The following SREBF1 variants were observed in gnomAD, a reference collection of about 807,000 sequenced individuals.
SREBF1 encodes the protein sterol regulatory element-binding protein 1.
A neutral mutation model predicts 100.1 loss-of-function variants in SREBF1; 45 were observed. The ratio of observed to expected loss-of-function variants is 0.45; its 90% CI spans 0.35 to 0.58. SREBF1 has a LOEUF of 0.58. SREBF1 is among the 20% of genes least tolerant of loss of function. The pLI is 0.00. For missense variants in SREBF1, 1,324 were observed against 1,539.4 expected (o/e 0.86, Z 2.34); for synonymous variants, 657 against 681.8 (o/e 0.96, Z 0.57).
chr17:17,818,267 G>A lies in SREBF1; in HGVS notation c.1176C>T (p.His392=). The stretch of plus-strand genomic sequence containing the variant: ...AATAAAGCCAGGACTCACTGCTTTT[G>A]TGGACAGCAGTGCGCAGACTTAGGT... ...QENLSLRTAV[H]KSKSLKDLVS... Residue 392 remains histidine (H), a synonymous_variant, in exon 6 of 19, where the codon CAC becomes CAT. Transcript: ENST00000261646. The A allele has an allele frequency of 6.2e-7, 1 of 1,613,412 alleles. No homozygotes were observed. Among genetic ancestry groups the A allele is most frequent in the Non-Finnish European group, 8.5e-7 (1 of 1,179,490 alleles).
In SREBF1 at chr17:17,812,462, T is replaced by C. The variant is rs1006987566; in HGVS notation, c.*160A>G. 5.3e-6 allele frequency: 4 copies of C among 756,210 alleles called. No homozygotes were observed. Among genetic ancestry groups the C allele is most frequent in the African/African-American group, 1.8e-5 (1 of 56,230 alleles). 46.8% of individuals were successfully genotyped at this position (756,210 alleles called of 1,614,324 possible). A position where few individuals can be genotyped will look rare whatever the true frequency, so the allele number is the denominator to read the frequency against. On this transcript the variant is annotated 3_prime_UTR_variant, in exon 19 of 19. Coordinates refer to ENST00000261646, the MANE Select transcript of SREBF1 (RefSeq NM_004176.5). ...GGTCTTAGGGTCAAGATCGCGCCCC[T>C]CGGGCCTTCCACCGCGAAGGCACAC...
chr17:17,830,276 A>C (rs574360054), intron 1 of SREBF1, among the ~76,000 whole-genome samples: 1 of 151,970 alleles, frequency 6.6e-6, no homozygotes, highest in African/African-American at 2.4e-5. Context: ...CAATCCTCCA[A>C]CCTCAGCCTC....
At position 17,819,119 on chromosome 17, in the gene SREBF1, C is replaced by T. The variant is rs1450285069; in HGVS notation, c.962G>A (p.Arg321His). 8.7e-6 allele frequency: 14 copies of T among 1,614,150 alleles called. No homozygotes were observed. The highest frequency in any genetic ancestry group is 3.3e-4 in the Middle Eastern group (2 of 6,062). The change falls in exon 5 of 19, where the codon CGT becomes CAT. Residue 321 changes from arginine (R) to histidine (H), a missense_variant. By Grantham distance (29) the Arg-to-His change is conservative. Coordinates refer to ENST00000261646, the MANE Select transcript of SREBF1 (RefSeq NM_004176.5). ...GTTGTGGGCTGTGCGCTTCTCTCCA[C>T]GGCTCTGGGCAGAGGCCGGGGCCTT... ...GSKAPASAQS[R>H]GEKRTAHNAI...
rs776712087 is a variant in SREBF1 at position 17,812,544 on chromosome 17, A to C, written c.*78T>G. The C allele has an allele frequency of 7.6e-4, 1,103 of 1,449,098 alleles. 1 individual carries two copies. Among genetic ancestry groups the C allele is most frequent in the Non-Finnish European group, 1.0e-3 (1,087 of 1,061,878 alleles). 89.8% of individuals were successfully genotyped at this position (1,449,098 alleles called of 1,614,324 possible). On this transcript the variant is annotated 3_prime_UTR_variant, in exon 19 of 19. Coordinates refer to ENST00000261646, the MANE Select transcript of SREBF1 (RefSeq NM_004176.5). ...GTCTCTTGCACTGCCTTCGGCCTTC[A>C]AAGCTTCGACGCAGGACAGAAGCTG... is the stretch of plus-strand genomic sequence containing the variant.
In SREBF1 at chr17:17,816,975, C is replaced by A. The variant is rs771713083; in HGVS notation, c.1768G>T (p.Asp590Tyr). ...VYFWRHRKQADLDLARGDFAQ... is the reference protein window; with the variant it reads ...VYFWRHRKQAYLDLARGDFAQ... ...CCCCTTACCCGGGCCAGGTCCAGGTCAGCCTGCTTGCGATGCCTCCAGAAG... is the reference window on the plus strand; with the variant it reads ...CCCCTTACCCGGGCCAGGTCCAGGTAAGCCTGCTTGCGATGCCTCCAGAAG... Residue 590 changes from aspartate to tyrosine, a missense_variant, in exon 9 of 19, where the codon GAC (aspartate) becomes TAC (tyrosine). Asp to Tyr is a radical substitution (Grantham distance 160, BLOSUM62 -3). Coordinates refer to ENST00000261646, the MANE Select transcript of SREBF1 (RefSeq NM_004176.5). 6 of 1,612,922 alleles carry A rather than the reference C, an allele frequency of 3.7e-6. No individual in the cohort carries two copies. The highest frequency in any genetic ancestry group is 5.1e-6 in the Non-Finnish European group (6 of 1,180,052).
chr17:17,816,805 A>C (rs2033640062), intron 9 of SREBF1, 87 bp from the exon 10 acceptor site: 1 of 1,573,620 alleles, frequency 6.4e-7, no homozygotes, highest in Non-Finnish European at 8.6e-7. Flanking sequence ...CAGGCTCTGG[A>C]GGGGTGGTGG....
intron 1 of SREBF1, chr17:17,823,525 A>C: frequency 6.2e-7 from 1 of 1,612,810 alleles, no homozygotes; most frequent in South Asian, 1.1e-5. Context: ...TACCTTCGAA[A>C]GTGCAATCCA....
chr17:17,817,911 G>A lies in SREBF1; in HGVS notation c.1189C>T (p.Leu397=), dbSNP rs1272628528. 1.2e-6 allele frequency: 2 copies of A among 1,600,614 alleles called. No individual in the cohort carries two copies. Among genetic ancestry groups the A allele is most frequent in the Admixed American group, 1.7e-5 (1 of 59,998 alleles). ...LRTAVHKSKS[L]KDLVSACGSG... ...CCACAGGCCGACACCAGATCCTTCAGAGATTCTGTGGGCCGAAAGGAACAG... is the reference window on the plus strand; with the variant it reads ...CCACAGGCCGACACCAGATCCTTCAAAGATTCTGTGGGCCGAAAGGAACAG... Residue 397 remains leucine, a synonymous_variant, in exon 7 of 19, where the codon CTG becomes TTG. Transcript: ENST00000261646. The surrounding 1 kb of genome is among the most constrained non-coding windows in gnomAD (Gnocchi z 6.6).
chr17:17,813,559 G>T lies in SREBF1; in HGVS notation c.3102+10C>A. On this transcript the variant is annotated intron_variant, in intron 17 of 18. Transcript: ENST00000261646. ...TCCCCGTCTTGAGGACAGGGCCATC[G>T]GGCACTCACCCTCCGCATGGCGGGC... 1 of 1,595,388 alleles carries T rather than the reference G, an allele frequency of 6.3e-7. No individual in the cohort carries two copies.
At chr17:17,836,625 C>G in intron 1 of SREBF1, 102 bp downstream of exon 1, 1 of 1,221,324 alleles carries the variant, frequency 8.2e-7, no homozygotes, top group Non-Finnish European at 1.2e-6. Context: ...GAGCACAGCA[C>G]GGAGCTGGCG....
chr17:17,833,474 T>TATAC (rs761650350), intron 1 of SREBF1, among the ~76,000 whole-genome samples: 84 of 110,656 alleles, frequency 7.6e-4, no homozygotes, highest in African/African-American at 2.6e-3. Flanking sequence ...TATATATATA[T>TATAC]ACACACACAC....
Position 17,819,119 on chromosome 17 carries a change from C to G in SREBF1, c.962G>C (p.Arg321Pro). ...GSKAPASAQS[R>P]GEKRTAHNAI... The stretch of plus-strand genomic sequence containing the variant: ...GTTGTGGGCTGTGCGCTTCTCTCCA[C>G]GGCTCTGGGCAGAGGCCGGGGCCTT... The change falls in exon 5 of 19, where the codon CGT becomes CCT. Residue 321 changes from arginine to proline, a missense_variant. Arg to Pro is a moderately radical substitution (Grantham distance 103). Coordinates refer to ENST00000261646, the MANE Select transcript of SREBF1 (RefSeq NM_004176.5). 18 of 1,614,150 alleles carry G rather than the reference C, an allele frequency of 1.1e-5. No individual in the cohort carries two copies. The highest frequency in any genetic ancestry group is 1.5e-5 in the Non-Finnish European group (18 of 1,180,048).
At chr17:17,819,494 G>C in intron 3 of SREBF1, 40 bp from the exon 4 acceptor site, 1 of 1,613,438 alleles carries the variant, frequency 6.2e-7, no homozygotes, top group Non-Finnish European at 8.5e-7. Context: ...TGTGTGTCTG[G>C]GCTGGGGCTG....
chr17:17,819,953 G>C, intron 2 of SREBF1, 137 bp downstream of exon 2: 1 of 1,157,978 alleles, frequency 8.6e-7, no homozygotes, highest in Non-Finnish European at 1.2e-6. Flanking sequence ...GCTAGTAACA[G>C]GGCATCTCAA....
chr17:17,823,169 G>A (rs1286210515), intron 1 of SREBF1, among the ~76,000 whole-genome samples: 1 of 152,220 alleles, frequency 6.6e-6, no homozygotes, highest in South Asian at 2.1e-4. Flanking sequence ...TAGGGCAGAC[G>A]CTGTGGCAGA....
rs1253225038 is a variant in SREBF1 at position 17,829,191 on chromosome 17, TAA to T, written c.91+7534_91+7535del. Among the ~76,000 whole-genome samples, 187 of 44,930 alleles carry T rather than the reference TAA, an allele frequency of 4.2e-3. 2 individuals carry two copies. The highest frequency in any genetic ancestry group is 0.03 in the South Asian group (51 of 1,712). The allele number at this position is 44,930 out of a possible 152,430, so 29.5% of individuals were successfully genotyped here. On this transcript the variant is annotated intron_variant, in intron 1 of 18. Coordinates refer to ENST00000261646, the MANE Select transcript of SREBF1 (RefSeq NM_004176.5). ...CTGGTGACAGAACGAGACTCCATCT[TAA>T]AAAAAAAAAAAAATATATATATATA...
rs779992884 is a variant in SREBF1 at position 17,834,041 on chromosome 17, G to GAGAA, written c.91+2685_91+2686insTTCT. 9.2e-3 allele frequency among the ~76,000 whole-genome samples: 1,398 copies of GAGAA among 151,452 alleles called. 24 individuals are homozygous for GAGAA. The highest frequency in any genetic ancestry group is 0.032 in the African/African-American group (1,323 of 41,248). On this transcript the variant is annotated intron_variant, in intron 1 of 18. Coordinates refer to ENST00000261646, the MANE Select transcript of SREBF1 (RefSeq NM_004176.5). The stretch of plus-strand genomic sequence containing the variant: ...ATATAAACACACAGAGAGAGAGAGA[G>GAGAA]AGAGAGAAGAAAAGCTCTTTCACAT...
In SREBF1 at chr17:17,813,371, CT is replaced by C; in HGVS notation, c.3210del (p.Gly1071GlufsTer136). 6.3e-7 allele frequency: 1 copy of C among 1,595,004 alleles called. No individual in the cohort carries two copies. The highest frequency in any genetic ancestry group is 8.5e-7 in the Non-Finnish European group (1 of 1,172,458). ...TGGTCAGCAGCTGCCCCCTCACCTC[CT>C]TTGCCACCGGGGCCTGCCCGCCGCC... ...SLRRRAGPGGKGGAVAELEPR... is the reference protein window; with the variant it reads ...SLRRRAGPGGXGGAVAELEPR... On this transcript the variant is annotated frameshift_variant, in exon 18 of 19. Coordinates refer to ENST00000261646, the MANE Select transcript of SREBF1 (RefSeq NM_004176.5). LOFTEE classifies it high-confidence loss of function.
chr17:17,819,706 G>C lies in SREBF1; in HGVS notation c.543C>G (p.Thr181=). 6.2e-7 allele frequency: 1 copy of C among 1,606,636 alleles called. No homozygotes were observed. The highest frequency in any genetic ancestry group is 8.5e-7 in the Non-Finnish European group (1 of 1,178,272). Residue 181 remains threonine, a synonymous_variant, in exon 3 of 19, where the codon ACC becomes ACG. Transcript: ENST00000261646. ...GFSTGSPPGN[T]QQPLPGLPLA... ...GTGGCAGGCCAGGCAGCGGCTGCTG[G>C]GTGTTCCCGGGAGGGCTTCCTGCAG... is the stretch of plus-strand genomic sequence containing the variant.
Sources: gnomAD v4.1 joint callset for allele counts (sites outside exome capture counted in the v4.1 genomes callset) on GRCh38, gnomAD v4.1.1 for gene constraint, Gnocchi (gnomAD v3.1) non-coding constraint, MANE v1.5 for transcripts, NCBI Gene and HGNC (gene_info 2026-07-23, HGNC 2026-07-21) for gene names.